Variants in ZNF587B observed in about 807,000 individuals in gnomAD.
ZNF587B encodes the protein zinc finger protein 587B.
In ZNF587B, 6 loss-of-function variants were observed where a neutral mutation model predicts 7.2. The ratio of observed to expected loss-of-function variants is 0.83; its 90% CI spans 0.46 to 1.65. The LOEUF (loss-of-function observed/expected upper bound fraction) is 1.65, where lower values mean the gene tolerates loss of function less well. Among genes scored for constraint, ZNF587B ranks in the 40% most tolerant of loss-of-function variants. The pLI is 0.01. For synonymous variants in ZNF587B, 274 were observed against 254.3 expected, an observed-to-expected ratio of 1.08 and a Z score of -0.74; for missense variants, 749 against 761.0, an observed-to-expected ratio of 0.98 and a Z score of 0.19.
In ZNF587B at chr19:57,836,466, G is replaced by GC. The variant is rs578124977; in HGVS notation, c.37-2556dup. ...GGTCATATTGGTATGACCACAAATGGCTGAGTGCAAGTTTCTTTCCCATTT... is the reference window on the plus strand; with the variant it reads ...GGTCATATTGGTATGACCACAAATGGCCTGAGTGCAAGTTTCTTTCCCATTT... On this transcript the variant is annotated intron_variant, in intron 1 of 2. Coordinates refer to ENST00000594901, the MANE Select transcript of ZNF587B (RefSeq NM_001376223.1). Among the ~76,000 whole-genome samples, 34 of 152,250 alleles carry GC rather than the reference G, an allele frequency of 2.2e-4. No homozygotes were observed. In the South Asian group the frequency reaches 4.4e-3, roughly 19 times the overall value.
chr19:57,842,581 A>G lies in ZNF587B; in HGVS notation c.*5A>G. 1.3e-6 allele frequency: 2 copies of G among 1,502,352 alleles called. No individual in the cohort carries two copies. The highest frequency in any genetic ancestry group is 2.4e-5 in the Admixed American group (1 of 42,054). The allele number at this position is 1,502,352 out of a possible 1,614,324, so 93.1% of individuals were successfully genotyped here. A position where few individuals can be genotyped will look rare whatever the true frequency, so the allele number is the denominator to read the frequency against. On this transcript the variant is annotated 3_prime_UTR_variant, in exon 3 of 3. Transcript: ENST00000594901. The stretch of plus-strand genomic sequence containing the variant: ...CATGAAAGAAAGGCCTTATGAGTGC[A>G]GAGAATGAGTCCAGTCTCATTAAAT...
At position 57,841,080 on chromosome 19, in the gene ZNF587B, C is replaced by A. The variant is rs759177165; in HGVS notation, c.406C>A (p.His136Asn). 6.2e-7 allele frequency: 1 copy of A among 1,613,912 alleles called. No individual in the cohort carries two copies. Among genetic ancestry groups the A allele is most frequent in the African/African-American group, 1.3e-5 (1 of 74,932 alleles). The part of the protein sequence containing the change: ...GNKLYDSGNF[H>N]QHQNEHIGEK... The stretch of plus-strand genomic sequence containing the variant: ...TAAATTGTATGACAGTGGAAACTTT[C>A]ATCAGCACCAGAATGAGCACATTGG... The change falls in exon 3 of 3, where the codon CAT becomes AAT. Residue 136 changes from histidine (H) to asparagine (N), a missense_variant. By Grantham distance (68) the His-to-Asn change is moderately conservative (BLOSUM62 1). This residue lies in a region of ZNF587B where 656 missense variants were observed against 596.5 expected (regional missense o/e 1.10). Coordinates refer to ENST00000594901, the MANE Select transcript of ZNF587B (RefSeq NM_001376223.1).
chr19:57,830,943 A>T (rs553910311), intron 1 of ZNF587B, among the ~76,000 whole-genome samples: 1 of 152,312 alleles, frequency 6.6e-6, no homozygotes, highest in East Asian at 1.9e-4. Flanking sequence ...ACAATTTTAC[A>T]GAAGTAAAGT....
At chr19:57,837,987 C>G (rs2122227032) in intron 1 of ZNF587B, among the ~76,000 whole-genome samples, 1 of 152,242 alleles carries the variant, frequency 6.6e-6, no homozygotes, top group East Asian at 1.9e-4. Flanking sequence ...TCAACCCACA[C>G]TAGTAGAAGA....
intron 1 of ZNF587B, among the ~76,000 whole-genome samples, chr19:57,836,680 C>G (rs1239763116): frequency 6.6e-6 from 1 of 151,978 alleles, no homozygotes; most frequent in Non-Finnish European, 1.5e-5. Context: ...AGTAATATAT[C>G]TGAACGGGTG....
At chr19:57,839,966 C>A (rs571788721) in intron 2 of ZNF587B, among the ~76,000 whole-genome samples, 1 of 151,464 alleles carries the variant, frequency 6.6e-6, no homozygotes, top group African/African-American at 2.4e-5. Context: ...GTAGTCCCAG[C>A]GACTCAGGAG....
chr19:57,831,478 C>T (rs1427660956), intron 1 of ZNF587B, among the ~76,000 whole-genome samples: 2 of 152,116 alleles, frequency 1.3e-5, no homozygotes, highest in East Asian at 3.9e-4. Context: ...CCGCAATCTC[C>T]GCCTCCTGGG....
intron 2 of ZNF587B, among the ~76,000 whole-genome samples, chr19:57,839,825 A>T (rs1407878626): frequency 6.6e-6 from 1 of 152,144 alleles, no homozygotes; most frequent in African/African-American, 2.4e-5. Context: ...TCGCTCCTGT[A>T]ATCCCAGCAC....
chr19:57,832,645 T>TTA (rs1988462113), intron 1 of ZNF587B, among the ~76,000 whole-genome samples: 1 of 152,246 alleles, frequency 6.6e-6, no homozygotes, highest in African/African-American at 2.4e-5. Flanking sequence ...AGTTAGGTGT[T>TTA]TATTGTGGTC....
At chr19:57,832,293 G>A (rs1248812244) in intron 1 of ZNF587B, among the ~76,000 whole-genome samples, 1 of 151,948 alleles carries the variant, frequency 6.6e-6, no homozygotes, top group Non-Finnish European at 1.5e-5. Flanking sequence ...CGCCATGTTG[G>A]CCAGAATGGT....
chr19:57,841,410 G>A lies in ZNF587B; in HGVS notation c.736G>A (p.Glu246Lys), dbSNP rs771557640. The change falls in exon 3 of 3, where the codon GAA (glutamate) becomes AAA (lysine). Residue 246 changes from glutamate to lysine, a missense_variant. Glu to Lys is a moderately conservative substitution (Grantham distance 56). Coordinates refer to ENST00000594901, the MANE Select transcript of ZNF587B (RefSeq NM_001376223.1). Reference protein sequence around the residue: ...LPREECYVCCECGKSFSKYVS... With the variant: ...LPREECYVCCKCGKSFSKYVS... The stretch of plus-strand genomic sequence containing the variant: ...TCGAGAAGAATGTTATGTGTGCTGT[G>A]AATGTGGGAAATCCTTTAGCAAATA... 2.4e-5 allele frequency: 38 copies of A among 1,584,810 alleles called. No individual in the cohort carries two copies. The African/African-American group carries it at 4.6e-4, about 19-fold the overall frequency.
In ZNF587B at chr19:57,830,691, A is replaced by G. The variant is rs142420202; in HGVS notation, c.36+127A>G. ...AGATGCTGAGTTTTTATTAGGAGTGACTGTCAGGACAGCCCTTTTGAGCTG... is the reference window on the plus strand; with the variant it reads ...AGATGCTGAGTTTTTATTAGGAGTGGCTGTCAGGACAGCCCTTTTGAGCTG... On this transcript the variant is annotated intron_variant, in intron 1 of 2. Transcript: ENST00000594901. 4.9e-4 allele frequency: 524 copies of G among 1,065,358 alleles called. 2 individuals carry two copies. The African/African-American group carries it at 7.2e-3, about 15-fold the overall frequency. 66.0% of individuals were successfully genotyped at this position (1,065,358 alleles called of 1,614,324 possible).
Position 57,842,699 on chromosome 19 carries a change from G to A in ZNF587B, c.*123G>A, listed in dbSNP as rs1459839230. The A allele has an allele frequency of 7.5e-7, 1 of 1,330,214 alleles. No homozygotes were observed. Among genetic ancestry groups the A allele is most frequent in the African/African-American group, 1.5e-5 (1 of 67,090 alleles). 82.4% of individuals were successfully genotyped at this position (1,330,214 alleles called of 1,614,324 possible). On this transcript the variant is annotated 3_prime_UTR_variant, in exon 3 of 3. Transcript: ENST00000594901. ...AAGTCTGCTCTCCTTGGACATTGGA[G>A]AGTTCACACCAGAGAAAAGTCCTTA... is the stretch of plus-strand genomic sequence containing the variant.
At chr19:57,838,648 G>T (rs923654941) in intron 1 of ZNF587B, among the ~76,000 whole-genome samples, 1 of 152,164 alleles carries the variant, frequency 6.6e-6, no homozygotes, top group Non-Finnish European at 1.5e-5. Context: ...TTAAAGGCCA[G>T]AGAGAGGCCA....
At chr19:57,838,655 G>T (rs1219032099) in intron 1 of ZNF587B, among the ~76,000 whole-genome samples, 1 of 152,026 alleles carries the variant, frequency 6.6e-6, no homozygotes, top group African/African-American at 2.4e-5. Context: ...CCAGAGAGAG[G>T]CCAGTGGTGT....
Position 57,843,555 on chromosome 19 carries a change from GT to G in ZNF587B, c.*985del. ...CATTCACGAGAGATTTTTTTTTTAA[GT>G]TTTTTGTTTGGTTGGTTGGTTGGTT... On this transcript the variant is annotated 3_prime_UTR_variant, in exon 3 of 3. Transcript: ENST00000594901. 1 of 892,432 alleles carries G rather than the reference GT, an allele frequency of 1.1e-6. No homozygotes were observed. Among genetic ancestry groups the G allele is most frequent in the African/African-American group, 2.5e-5 (1 of 40,628 alleles). 55.3% of individuals were successfully genotyped at this position (892,432 alleles called of 1,614,324 possible).
rs1989024552 is a variant in ZNF587B, at chr19:57,845,331, GT to G, written c.*2756del. 1 of 152,216 alleles carries G rather than the reference GT, an allele frequency of 6.6e-6. No homozygotes were observed. Among genetic ancestry groups the G allele is most frequent in the African/African-American group, 2.4e-5 (1 of 41,454 alleles). 9.4% of individuals were successfully genotyped at this position (152,216 alleles called of 1,614,324 possible). A position where few individuals can be genotyped will look rare whatever the true frequency, so the allele number is the denominator to read the frequency against. ...CCACAGTTATCCAGTCACTGTGTCT[GT>G]GATGGATAAGCAGATACAGAAATTC... On this transcript the variant is annotated 3_prime_UTR_variant, in exon 3 of 3. Transcript: ENST00000594901.
chr19:57,841,662 G>A lies in ZNF587B; in HGVS notation c.988G>A (p.Glu330Lys), dbSNP rs1489636707. The A allele has an allele frequency of 2.5e-6, 4 of 1,603,958 alleles. No homozygotes were observed. The highest frequency in any genetic ancestry group is 3.4e-6 in the Non-Finnish European group (4 of 1,175,340). Residue 330 changes from glutamate to lysine, a missense_variant, in exon 3 of 3, where the codon GAA becomes AAA. Around this residue, in one of 3 missense-constraint regions of ZNF587B, gnomAD observed 656 missense variants for 596.5 expected, o/e 1.10. Transcript: ENST00000594901. ...HAGKGPYECG[E>K]CGKSFSSNVN... is the part of the protein sequence containing the mutation. ...TGGAAAAGGGCCTTATGAGTGTGGA[G>A]AATGTGGGAAATCTTTTAGTTCAAA... is the stretch of plus-strand genomic sequence containing the variant.
At position 57,844,258 on chromosome 19, in the gene ZNF587B, T is replaced by TTGG; in HGVS notation, c.*1682_*1683insTGG. 1 of 428,124 alleles carries TTGG rather than the reference T, an allele frequency of 2.3e-6. No homozygotes were observed. The allele number at this position is 428,124 out of a possible 1,614,324, so 26.5% of individuals were successfully genotyped here. A position where few individuals can be genotyped will look rare whatever the true frequency, so the allele number is the denominator to read the frequency against. On this transcript the variant is annotated 3_prime_UTR_variant, in exon 3 of 3. Coordinates refer to ENST00000594901, the MANE Select transcript of ZNF587B (RefSeq NM_001376223.1). ...GCTCATGCCTGTAATCCCAACACTT[T>TTGG]GGGAGGCCGAGGTGGGTGGATCACA...
Sources: allele counts gnomAD v4.1 joint callset (sites outside exome capture counted in the v4.1 genomes callset), GRCh38; gene constraint gnomAD v4.1.1; regional missense constraint gnomAD v4.1.1; transcripts MANE v1.5; gene names NCBI Gene and HGNC (gene_info 2026-07-23, HGNC 2026-07-21).